BET1: variants seen among roughly 807,000 people sequenced by gnomAD.
BET1 encodes the protein Bet1 golgi vesicular membrane trafficking protein.
In BET1, 9 loss-of-function variants were observed where a neutral mutation model predicts 13.9. The ratio of observed to expected loss-of-function variants is 0.65; its 90% CI spans 0.39 to 1.13. BET1 has a LOEUF of 1.13. Among genes scored for constraint, BET1 ranks in the 50% most tolerant of loss-of-function variants. The probability of loss-of-function intolerance (pLI) is 0.01; values close to 1 mark genes in which losing one functional copy is unlikely to be tolerated. For missense variants in BET1, 127 were observed against 133.6 expected (o/e 0.95, Z 0.24); for synonymous variants, 39 against 47.3 (o/e 0.82, Z 0.72).
rs369271500 is a variant in BET1, at chr7:93,999,289, C to T, written c.25G>A (p.Gly9Arg). MRRAGLGEGVPPGNYGNYG... is the reference protein window; with the variant it reads MRRAGLGERVPPGNYGNYG... ...TTCCCATAGTTGCCAGGAGGTACTCCTTCACCTGCAAGGATCAGAGTCACA... is the reference window on the plus strand; with the variant it reads ...TTCCCATAGTTGCCAGGAGGTACTCTTTCACCTGCAAGGATCAGAGTCACA... Residue 9 changes from glycine to arginine, a missense_variant, in exon 2 of 4, where the codon GGA becomes AGA. By Grantham distance (125) the Gly-to-Arg change is moderately radical (BLOSUM62 -2). Transcript: ENST00000222547. The T allele has an allele frequency of 1.2e-6, 2 of 1,608,896 alleles. No individual in the cohort carries two copies. The highest frequency in any genetic ancestry group is 1.7e-6 in the Non-Finnish European group (2 of 1,177,734).
chr7:93,979,580 AAACT>A (rs1238010493), intron 4 of BET1, among the ~76,000 whole-genome samples: 1 of 151,992 alleles, frequency 6.6e-6, no homozygotes, highest in Non-Finnish European at 1.5e-5. Context: ...AGAACTTCAG[AAACT>A]AACTGAGGGA....
At chr7:93,997,802 G>T (rs1437421347) in intron 2 of BET1, among the ~76,000 whole-genome samples, 1 of 152,160 alleles carries the variant, frequency 6.6e-6, no homozygotes, top group Non-Finnish European at 1.5e-5. Context: ...AAGGAATTAT[G>T]CTAAGTGCTA....
At chr7:93,971,282 C>T (rs541982151) in intron 6 of BET1, among the ~76,000 whole-genome samples, 1 of 151,700 alleles carries the variant, frequency 6.6e-6, no homozygotes, top group African/African-American at 2.4e-5. Context: ...AAGCAATGTG[C>T]CCTTTTTGGT....
In BET1 at chr7:93,994,217, A is replaced by T; in HGVS notation, c.*13T>A. On this transcript the variant is annotated 3_prime_UTR_variant, in exon 4 of 4. Coordinates refer to ENST00000222547, the MANE Select transcript of BET1 (RefSeq NM_005868.6). ...TTAAGTTGGAACAAATTCCAAATTC[A>T]CAATTACATGCATCACCTCAGTTTA... The T allele has an allele frequency of 6.3e-7, 1 of 1,584,492 alleles. No homozygotes were observed. The highest frequency in any genetic ancestry group is 8.6e-7 in the Non-Finnish European group (1 of 1,165,814).
intron 1 of BET1, among the ~76,000 whole-genome samples, chr7:94,000,764 G>A (rs1795885216): frequency 2.0e-5 from 3 of 152,128 alleles, no homozygotes; most frequent in Non-Finnish European, 4.4e-5. Context: ...CTGGATTATG[G>A]GGATTAGATT....
chr7:93,989,029 T>G (rs1795579702), downstream of BET1, among the ~76,000 whole-genome samples: 1 of 150,468 alleles, frequency 6.6e-6, no homozygotes, highest in African/African-American at 2.4e-5. Flanking sequence ...GTTGTTTGTT[T>G]TTTTGAGACG....
At position 93,994,197 on chromosome 7, in the gene BET1, T is replaced by C. The variant is rs1361162042; in HGVS notation, c.*33A>G. The C allele has an allele frequency of 2.5e-6, 4 of 1,579,440 alleles. No homozygotes were observed. The highest frequency in any genetic ancestry group is 2.7e-5 in the African/African-American group (2 of 73,734). On this transcript the variant is annotated 3_prime_UTR_variant, in exon 4 of 4. Transcript: ENST00000222547. ...CAAAGTGGTACTGCAAGCCATTAAG[T>C]TGGAACAAATTCCAAATTCACAATT...
chr7:93,975,829 A>G, intron 5 of BET1: 3 of 734,800 alleles, frequency 4.1e-6, no homozygotes, highest in Non-Finnish European at 5.3e-6. Flanking sequence ...ATCATGCTCA[A>G]TCACACCTGC....
chr7:93,980,148 C>CA (rs1795402547), intron 4 of BET1, among the ~76,000 whole-genome samples: 1 of 152,090 alleles, frequency 6.6e-6, no homozygotes, highest in Admixed American at 6.6e-5. Flanking sequence ...AGAAATCTCC[C>CA]AACAAAGAAA....
chr7:93,992,439 T>C (rs1795655170), downstream of BET1: 4 of 985,292 alleles, frequency 4.1e-6, no homozygotes, highest in Non-Finnish European at 3.6e-6. Context: ...CCTGTTTTCA[T>C]TTTTAAGTCA....
At chr7:93,977,985 C>T (rs922900513) in intron 4 of BET1, among the ~76,000 whole-genome samples, 3 of 152,238 alleles carry the variant, frequency 2.0e-5, no homozygotes, top group African/African-American at 7.2e-5. Context: ...TTACTAGCAT[C>T]TGAGGCCATA....
At chr7:93,974,178 A>C (rs1795302226) in intron 5 of BET1, among the ~76,000 whole-genome samples, 1 of 152,064 alleles carries the variant, frequency 6.6e-6, no homozygotes, top group Non-Finnish European at 1.5e-5. Context: ...AATTGTAGAT[A>C]TCAATATGAA....
At chr7:94,004,129 G>T in intron 1 of BET1, 69 bp downstream of exon 1, 2 of 1,609,822 alleles carry the variant, frequency 1.2e-6, no homozygotes, top group Middle Eastern at 1.7e-4. Context: ...AGACAGGTTC[G>T]ATTTCCTCCC....
rs761749249 is a variant in BET1, at chr7:93,999,237, C to T, written c.77G>A (p.Ser26Asn). The T allele has an allele frequency of 1.2e-6, 2 of 1,613,512 alleles. No individual in the cohort carries two copies. The highest frequency in any genetic ancestry group is 1.7e-6 in the Non-Finnish European group (2 of 1,179,634). The change falls in exon 2 of 4, where the codon AGT becomes AAT. Residue 26 changes from serine to asparagine, a missense_variant. Physicochemically the swap from Ser to Asn is conservative, Grantham distance 46. Coordinates refer to ENST00000222547, the MANE Select transcript of BET1 (RefSeq NM_005868.6). ...CCTCTCATTTTCTTCTTCACAGGCA[C>T]TATACCCACTATTAGCATAGCCATA... ...GNYGYANSGY[S>N]ACEEENERLT...
chr7:93,980,429 C>A (rs913219186), intron 4 of BET1, among the ~76,000 whole-genome samples: 1 of 152,082 alleles, frequency 6.6e-6, no homozygotes, highest in Admixed American at 6.6e-5. Flanking sequence ...ATTAAAAGAA[C>A]CATACACCAG....
chr7:94,002,665 A>G (rs1258908221), intron 1 of BET1, among the ~76,000 whole-genome samples: 1 of 152,158 alleles, frequency 6.6e-6, no homozygotes, highest in Non-Finnish European at 1.5e-5. Context: ...CTGCAGCAGG[A>G]AAATACTCAA....
At chr7:93,976,518 C>A (rs1219767008) in intron 4 of BET1, among the ~76,000 whole-genome samples, 1 of 151,986 alleles carries the variant, frequency 6.6e-6, no homozygotes, top group African/African-American at 2.4e-5. Context: ...GCTTGAACGC[C>A]GGCAGGATCT....
chr7:93,982,080 G>A (rs900048457), intron 4 of BET1, among the ~76,000 whole-genome samples: 1 of 151,978 alleles, frequency 6.6e-6, no homozygotes, highest in African/African-American at 2.4e-5. Context: ...TAATTGTAGT[G>A]ATGAATGTAA....
At chr7:93,989,840 T>G (rs1343474904), downstream of BET1, among the ~76,000 whole-genome samples, 1 of 152,216 alleles carries the variant, frequency 6.6e-6, no homozygotes, top group Non-Finnish European at 1.5e-5. Context: ...AAATTAAATT[T>G]AAATTATTTA....
Sources: gnomAD v4.1 joint callset for allele counts (sites outside exome capture counted in the v4.1 genomes callset) on GRCh38, gnomAD v4.1.1 for gene constraint, MANE v1.5 for transcripts, NCBI Gene and HGNC (gene_info 2026-07-23, HGNC 2026-07-21) for gene names.